Variants in AATF observed in about 807,000 individuals in gnomAD.
AATF encodes the protein apoptosis antagonizing transcription factor.
A neutral mutation model predicts 63.7 loss-of-function variants in AATF; 48 were observed. That is an observed-to-expected ratio of 0.75 (90% confidence interval 0.60 to 0.96). The LOEUF (loss-of-function observed/expected upper bound fraction) is 0.96, where lower values mean the gene tolerates loss of function less well. Ranked by LOEUF, AATF falls within the 40% of genes least tolerant of loss-of-function variation. The probability of loss-of-function intolerance (pLI) is 0.00; values close to 1 mark genes in which losing one functional copy is unlikely to be tolerated. For synonymous variants in AATF, 258 were observed against 247.7 expected (o/e 1.04, Z -0.39); for missense variants, 639 against 685.7 (o/e 0.93, Z 0.76).
chr17:37,021,984 A>G (rs992697723), intron 10 of AATF, among the ~76,000 whole-genome samples: 4 of 152,144 alleles, frequency 2.6e-5, no homozygotes, highest in Non-Finnish European at 4.4e-5. Flanking sequence ...TTTATGAGAA[A>G]ATAGAGCAAT....
At position 36,988,556 on chromosome 17, in the gene AATF, G is replaced by T; in HGVS notation, c.985G>T (p.Glu329Ter). The T allele has an allele frequency of 6.2e-7, 1 of 1,614,098 alleles. No individual in the cohort carries two copies. The highest frequency in any genetic ancestry group is 8.5e-7 in the Non-Finnish European group (1 of 1,180,014). ...ISSEDDELVE[E>*]KKQQRRRVPA... ...TAGTGAAGATGATGAGCTGGTAGAA[G>T]AGAAGAAGCAGCAACGAAGAAGGGT... Residue 329 changes from glutamate to a stop codon, truncating the protein, a stop_gained, in exon 6 of 12, where the codon GAG (glutamate) becomes TAG (stop). Coordinates refer to ENST00000619387, the MANE Select transcript of AATF (RefSeq NM_012138.4). LOFTEE classifies it high-confidence loss of function.
intron 4 of AATF, among the ~76,000 whole-genome samples, chr17:36,969,073 T>C (rs764931556): frequency 5.3e-5 from 8 of 152,218 alleles, no homozygotes; most frequent in African/African-American, 9.7e-5. Flanking sequence ...CGGTCTCTGT[T>C]GATTTTTAAG....
At chr17:37,010,779 C>A (rs1172682266) in intron 8 of AATF, among the ~76,000 whole-genome samples, 2 of 152,148 alleles carry the variant, frequency 1.3e-5, no homozygotes, top group African/African-American at 4.8e-5. Context: ...AAGCCTGTTC[C>A]CGCAGTGCAT....
chr17:37,027,261 C>T (rs1219870975), intron 10 of AATF, among the ~76,000 whole-genome samples: 1 of 151,864 alleles, frequency 6.6e-6, no homozygotes, highest in African/African-American at 2.4e-5. Context: ...GTAAATGGAT[C>T]AAACTCCCAA....
intron 4 of AATF, among the ~76,000 whole-genome samples, chr17:36,984,843 C>T (rs1024549136): frequency 6.6e-6 from 1 of 151,146 alleles, no homozygotes; most frequent in South Asian, 2.1e-4. Flanking sequence ...TTACTGTGTT[C>T]AGCAGGCTGG....
intron 8 of AATF, among the ~76,000 whole-genome samples, chr17:36,995,476 A>C (rs765733992): frequency 7.2e-5 from 11 of 152,216 alleles, no homozygotes; most frequent in Non-Finnish European, 1.2e-4. Context: ...TTTAGATCTT[A>C]GTGTGAATAA....
At chr17:37,009,316 T>TTC (rs2071366272) in intron 8 of AATF, among the ~76,000 whole-genome samples, 5 of 142,640 alleles carry the variant, frequency 3.5e-5, no homozygotes, top group Admixed American at 6.8e-5. Flanking sequence ...TTTTTTTTTT[T>TTC]GTATTTTTAG....
chr17:36,989,881 A>G (rs566788437), intron 7 of AATF, among the ~76,000 whole-genome samples: 2 of 152,296 alleles, frequency 1.3e-5, no homozygotes, highest in East Asian at 3.9e-4. Flanking sequence ...GTTTATAGCA[A>G]CTTAAAATGA....
At chr17:37,048,898 A>G (rs1396543960) in intron 11 of AATF, among the ~76,000 whole-genome samples, 1 of 152,222 alleles carries the variant, frequency 6.6e-6, no homozygotes, top group Non-Finnish European at 1.5e-5. Context: ...AAGCAAAGGA[A>G]TGATGAAAGG....
intron 8 of AATF, among the ~76,000 whole-genome samples, chr17:36,997,299 A>G (rs1204118236): frequency 6.6e-6 from 1 of 152,194 alleles, no homozygotes; most frequent in Non-Finnish European, 1.5e-5. Context: ...TCAAATATGT[A>G]TATGTATTGT....
intron 4 of AATF, among the ~76,000 whole-genome samples, chr17:36,957,638 A>G (rs992165673): frequency 6.6e-6 from 1 of 152,152 alleles, no homozygotes; most frequent in Non-Finnish European, 1.5e-5. Context: ...TCCTTGAAAT[A>G]CTTTTCTTTG....
intron 8 of AATF, among the ~76,000 whole-genome samples, chr17:37,008,000 G>A (rs573123887): frequency 1.3e-5 from 2 of 152,014 alleles, no homozygotes; most frequent in African/African-American, 2.4e-5. Context: ...CCATTTTTGC[G>A]GGTTTTCTAT....
At chr17:36,987,672 A>G (rs1597714195) in intron 5 of AATF, among the ~76,000 whole-genome samples, 1 of 152,204 alleles carries the variant, frequency 6.6e-6, no homozygotes, top group Admixed American at 6.5e-5. Flanking sequence ...TGGAGGTTGT[A>G]TTACATTGCC....
chr17:36,954,574 G>A (rs1398811753), intron 4 of AATF, among the ~76,000 whole-genome samples: 1 of 152,202 alleles, frequency 6.6e-6, no homozygotes, highest in Non-Finnish European at 1.5e-5. Flanking sequence ...GAGTGACATA[G>A]AGTGAGGAAA....
At chr17:37,025,940 A>G (rs1047116426) in intron 10 of AATF, among the ~76,000 whole-genome samples, 1 of 152,208 alleles carries the variant, frequency 6.6e-6, no homozygotes, top group Non-Finnish European at 1.5e-5. Flanking sequence ...AAAGAGAAAC[A>G]TAGTGGCTTT....
At chr17:37,043,038 G>A (rs2071655928) in intron 11 of AATF, 1 of 152,068 alleles carries the variant, frequency 6.6e-6, no homozygotes, top group Non-Finnish European at 1.5e-5. Context: ...ACCGCGCCTG[G>A]CAAATTTTTT....
intron 4 of AATF, among the ~76,000 whole-genome samples, chr17:36,955,799 G>C (rs914882484): frequency 6.6e-6 from 1 of 152,182 alleles, no homozygotes; most frequent in Non-Finnish European, 1.5e-5. Context: ...GTCTTGCTCT[G>C]TTGCCCAGGC....
chr17:37,049,215 C>A (rs1324207962), intron 11 of AATF, among the ~76,000 whole-genome samples: 1 of 152,138 alleles, frequency 6.6e-6, no homozygotes, highest in African/African-American at 2.4e-5. Context: ...ATTTGTGATA[C>A]CATGCTCTAT....
chr17:37,005,474 G>A (rs2071334809), intron 8 of AATF, among the ~76,000 whole-genome samples: 2 of 152,186 alleles, frequency 1.3e-5, no homozygotes, highest in Admixed American at 1.3e-4. Flanking sequence ...GAAATATAGG[G>A]AGAGATTTAT....
Sources: allele counts gnomAD v4.1 joint callset (sites outside exome capture counted in the v4.1 genomes callset), GRCh38; gene constraint gnomAD v4.1.1; transcripts MANE v1.5; gene names NCBI Gene and HGNC (gene_info 2026-07-23, HGNC 2026-07-21).